Variants in CUEDC1 observed in about 807,000 individuals in gnomAD.
CUEDC1 encodes the protein CUE domain-containing protein 1.
A neutral mutation model predicts 43.7 loss-of-function variants in CUEDC1; 30 were observed. The ratio of observed to expected loss-of-function variants is 0.69; its 90% CI spans 0.51 to 0.93. CUEDC1 has a LOEUF of 0.93. Among genes scored for constraint, CUEDC1 ranks in the 40% least tolerant of loss-of-function variants. CUEDC1 has a pLI of 0.00. For synonymous variants in CUEDC1, 223 were observed against 223.6 expected (o/e 1.00, Z 0.02); for missense variants, 486 against 549.0 (o/e 0.89, Z 1.15).
chr17:57,920,612 C>T (rs1432426288), intron 1 of CUEDC1, among the ~76,000 whole-genome samples: 1 of 144,018 alleles, frequency 6.9e-6, no homozygotes, highest in Admixed American at 7.2e-5. Context: ...TTTTTATTAT[C>T]TGAATTTTCT....
rs1004059987 is a variant in CUEDC1 at position 57,886,820 on chromosome 17, T to G, written c.-315-941A>C. Among the ~76,000 whole-genome samples, 164 of 148,306 alleles carry G rather than the reference T, an allele frequency of 1.1e-3. 3 individuals are homozygous for G. The highest frequency in any genetic ancestry group is 4.3e-3 in the East Asian group (22 of 5,144). Reference sequence around the variant, plus strand: ...ATATACATCATAAATTCTGGTTGTTTTTTTTTTTTTTTTTTTGAGACGGAG... The same window carrying G: ...ATATACATCATAAATTCTGGTTGTTGTTTTTTTTTTTTTTTTGAGACGGAG... On this transcript the variant is annotated intron_variant, in intron 1 of 10. Coordinates refer to ENST00000577830, the MANE Select transcript of CUEDC1 (RefSeq NM_001271875.2).
intron 1 of CUEDC1, among the ~76,000 whole-genome samples, chr17:57,913,964 G>A (rs536303606): frequency 2.5e-4 from 38 of 152,256 alleles, no homozygotes; most frequent in African/African-American, 8.4e-4. Flanking sequence ...TCACTCCCAC[G>A]TGGCTTTGGC....
At chr17:57,885,958 A>C in intron 1 of CUEDC1, 79 bp from the exon 2 acceptor site, 4 of 167,074 alleles carry the variant, frequency 2.4e-5, no homozygotes, top group Admixed American at 6.4e-5. Flanking sequence ...CTACTAAGAA[A>C]TGAGGGCAGG....
chr17:57,895,577 G>A (rs1304120848), intron 1 of CUEDC1, among the ~76,000 whole-genome samples: 4 of 152,168 alleles, frequency 2.6e-5, no homozygotes, highest in South Asian at 2.1e-4. Flanking sequence ...TGGGCTGGCT[G>A]GGGACTATTT....
chr17:57,914,949 A>G (rs1307878908), intron 1 of CUEDC1: 1 of 152,232 alleles, frequency 6.6e-6, no homozygotes, highest in Non-Finnish European at 1.5e-5. Context: ...GTGCGTCCCC[A>G]CAGTCTTGAT....
intron 1 of CUEDC1, among the ~76,000 whole-genome samples, chr17:57,936,971 C>T (rs1465497878): frequency 2.0e-5 from 3 of 152,096 alleles, no homozygotes; most frequent in Non-Finnish European, 4.4e-5. Context: ...CAGGCATACA[C>T]CACCACGTCA....
At chr17:57,896,487 G>GGGGTGTGTGTGTGTGT (rs375270781) in intron 1 of CUEDC1, among the ~76,000 whole-genome samples, 2 of 130,282 alleles carry the variant, frequency 1.5e-5, no homozygotes, top group East Asian at 4.1e-4. Flanking sequence ...TGCATTATGG[G>GGGGTGTGTGTGTGTGT]GTGTGTGTGT....
At chr17:57,888,485 G>A (rs2074321407) in intron 1 of CUEDC1, among the ~76,000 whole-genome samples, 1 of 152,190 alleles carries the variant, frequency 6.6e-6, no homozygotes, top group African/African-American at 2.4e-5. Context: ...GACACAGAGG[G>A]GTGACTTCAA....
intron 5 of CUEDC1, among the ~76,000 whole-genome samples, chr17:57,871,954 G>C (rs1313864374): frequency 1.3e-5 from 2 of 152,202 alleles, no homozygotes; most frequent in African/African-American, 4.8e-5. Context: ...GAAAAGCCTT[G>C]AGGCTTCTAG....
intron 1 of CUEDC1, among the ~76,000 whole-genome samples, chr17:57,931,618 G>A (rs1008241065): frequency 1.8e-4 from 28 of 152,272 alleles, no homozygotes; most frequent in African/African-American, 6.5e-4. Context: ...AAGCCAGTCC[G>A]AGGGTGAGAC....
chr17:57,939,794 C>CT (rs1198458925), intron 1 of CUEDC1, among the ~76,000 whole-genome samples: 1 of 152,160 alleles, frequency 6.6e-6, no homozygotes, highest in Non-Finnish European at 1.5e-5. Context: ...CATTCAGTAA[C>CT]TAAGGGTTAC....
chr17:57,934,562 A>ACT (rs1262460124), intron 1 of CUEDC1, among the ~76,000 whole-genome samples: 3,726 of 84,874 alleles, frequency 0.044, 109 homozygotes, highest in Admixed American at 0.099. Context: ...GTCTCTCTAA[A>ACT]AAAAAAAAAA....
chr17:57,938,193 A>C (rs1175993770), intron 1 of CUEDC1, among the ~76,000 whole-genome samples: 1 of 152,226 alleles, frequency 6.6e-6, no homozygotes, highest in Non-Finnish European at 1.5e-5. Flanking sequence ...TAGGGACCAA[A>C]GTGCCATATC....
intron 3 of CUEDC1, among the ~76,000 whole-genome samples, chr17:57,877,063 C>T (rs1321632978): frequency 1.3e-5 from 2 of 152,126 alleles, no homozygotes. Flanking sequence ...GAGAACAGAC[C>T]GCTTCTGTCT....
At chr17:57,926,336 G>A (rs2143133174) in intron 1 of CUEDC1, among the ~76,000 whole-genome samples, 1 of 152,258 alleles carries the variant, frequency 6.6e-6, no homozygotes, top group Non-Finnish European at 1.5e-5. Flanking sequence ...AGCCAAAAAG[G>A]TGGGCAGGAG....
Position 57,940,836 on chromosome 17 carries a change from G to A in CUEDC1, c.-316+14389C>T, listed in dbSNP as rs184150932. On this transcript the variant is annotated intron_variant, in intron 1 of 10. Transcript: ENST00000577830. ...ACCCTTAGGAAGCACCCTATCTGGTGACTCATAAGCCCCACTTGGGACTAA... is the reference window on the plus strand; with the variant it reads ...ACCCTTAGGAAGCACCCTATCTGGTAACTCATAAGCCCCACTTGGGACTAA... 3.0e-4 allele frequency among the ~76,000 whole-genome samples: 46 copies of A among 152,334 alleles called. No homozygotes were observed. The East Asian group carries it at 8.9e-3, about 29-fold the overall frequency.
chr17:57,877,504 T>G (rs2074141810), intron 3 of CUEDC1, among the ~76,000 whole-genome samples: 1 of 151,840 alleles, frequency 6.6e-6, no homozygotes, highest in African/African-American at 2.4e-5. Flanking sequence ...TGGCCTCAGT[T>G]TTCCCTTCTG....
intron 6 of CUEDC1, among the ~76,000 whole-genome samples, chr17:57,869,725 G>A (rs1011869626): frequency 6.6e-6 from 1 of 152,142 alleles, no homozygotes; most frequent in East Asian, 1.9e-4. Context: ...CAGCCACAGG[G>A]TTTCTGGCTA....
At chr17:57,865,044 G>A (rs2073936828) in intron 10 of CUEDC1, among the ~76,000 whole-genome samples, 3 of 151,754 alleles carry the variant, frequency 2.0e-5, no homozygotes, top group South Asian at 2.1e-4. Context: ...GCAACAGAGC[G>A]AGACTCTGTC....
Sources: gnomAD v4.1 joint callset for allele counts (sites outside exome capture counted in the v4.1 genomes callset) on GRCh38, gnomAD v4.1.1 for gene constraint, MANE v1.5 for transcripts, NCBI Gene and HGNC (gene_info 2026-07-23, HGNC 2026-07-21) for gene names.